The following C9orf72 variants were observed in gnomAD, a reference collection of about 807,000 sequenced individuals.
The protein encoded by C9orf72 is guanine nucleotide exchange factor C9orf72.
A neutral mutation model predicts 51.6 loss-of-function variants in C9orf72; 44 were observed. That is an observed-to-expected ratio of 0.85 (90% confidence interval 0.67 to 1.10). The LOEUF (loss-of-function observed/expected upper bound fraction) is 1.10. C9orf72 is among the 50% of genes least tolerant of loss of function. C9orf72 has a pLI of 0.00. For synonymous variants in C9orf72, 213 were observed against 194.2 expected (o/e 1.10, Z -0.81); for missense variants, 607 against 570.6 (o/e 1.06, Z -0.65).
intron 1 of C9orf72, among the ~76,000 whole-genome samples, chr9:27,571,987 A>G (rs1486260830): frequency 1.3e-5 from 2 of 152,354 alleles, no homozygotes; most frequent in East Asian, 3.9e-4. Flanking sequence ...TTTCTCAGAC[A>G]ATAGGTAGGC....
rs746100459 is a variant in C9orf72 at position 27,548,310 on chromosome 9, C to T, written c.1372G>A (p.Gly458Ser). Residue 458 changes from glycine to serine, a missense_variant, in exon 11 of 11, where the codon GGC (glycine) becomes AGC (serine). By Grantham distance (56) the Gly-to-Ser change is moderately conservative. Transcript: ENST00000380003. ...IMALAEKIKP[G>S]LHSFIFGRPF... ...CTTCCAAAGATAAAAGAGTGTAGGCCTGGTTTAATTTTCTCAGCCAGAGCC... is the reference window on the plus strand; with the variant it reads ...CTTCCAAAGATAAAAGAGTGTAGGCTTGGTTTAATTTTCTCAGCCAGAGCC... The T allele has an allele frequency of 6.2e-7, 1 of 1,612,614 alleles. No homozygotes were observed. Among genetic ancestry groups the T allele is most frequent in the East Asian group, 2.2e-5 (1 of 44,822 alleles).
chr9:27,556,191 G>A (rs1279328744), intron 8 of C9orf72, among the ~76,000 whole-genome samples: 1 of 151,884 alleles, frequency 6.6e-6, no homozygotes, highest in Non-Finnish European at 1.5e-5. Context: ...CTTTGGTTTT[G>A]TTAATAAGTC....
intron 3 of C9orf72, among the ~76,000 whole-genome samples, chr9:27,564,351 G>A (rs1391539367): frequency 6.6e-6 from 1 of 152,022 alleles, no homozygotes. Context: ...AAAGGTTTCT[G>A]GTTTGAAAAA....
chr9:27,554,843 G>C (rs1820977886), intron 8 of C9orf72, among the ~76,000 whole-genome samples: 1 of 152,028 alleles, frequency 6.6e-6, no homozygotes. Flanking sequence ...AGAAAATTTA[G>C]AGCTGGATGC....
At chr9:27,573,584 C>T (rs1210828793), upstream of C9orf72, 3 of 140,178 alleles carry the variant, frequency 2.1e-5, no homozygotes, top group East Asian at 2.1e-4. Flanking sequence ...TTGCTACAGG[C>T]TGCGGTTGTT....
intron 1 of C9orf72, among the ~76,000 whole-genome samples, chr9:27,568,226 T>C (rs576986673): frequency 2.6e-5 from 4 of 152,094 alleles, no homozygotes; most frequent in South Asian, 4.2e-4. Context: ...TAAAACGACA[T>C]TGAAGTATCA....
intron 1 of C9orf72, among the ~76,000 whole-genome samples, chr9:27,570,345 T>C (rs1394315900): frequency 6.6e-6 from 1 of 152,202 alleles, no homozygotes; most frequent in African/African-American, 2.4e-5. Context: ...CATAAAATTA[T>C]ATTGCAAACA....
At chr9:27,548,461 AGAAGC>A in intron 10 of C9orf72, 39 bp from the exon 11 acceptor site, 1 of 1,166,602 alleles carries the variant, frequency 8.6e-7, no homozygotes, top group Non-Finnish European at 1.1e-6. Flanking sequence ...AAAAAAAAAA[AGAAGC>A]GCAAAAATTA....
In C9orf72 at chr9:27,546,767, A is replaced by G. The variant is rs141012074; in HGVS notation, c.*1469T>C. On this transcript the variant is annotated 3_prime_UTR_variant, in exon 11 of 11. Transcript: ENST00000380003. The stretch of plus-strand genomic sequence containing the variant: ...CAAGGTAGTATTTATATATTTTTTA[A>G]ATGACTGAGCTACAGTACAACAGTC... 6.6e-6 allele frequency: 1 copy of G among 152,184 alleles called. No homozygotes were observed. The highest frequency in any genetic ancestry group is 2.4e-5 in the African/African-American group (1 of 41,448). The allele number at this position is 152,184 out of a possible 1,614,324, so 9.4% of individuals were successfully genotyped here. A position where few individuals can be genotyped will look rare whatever the true frequency, so the allele number is the denominator to read the frequency against.
At chr9:27,560,374 G>T in intron 5 of C9orf72, 75 bp from the exon 6 acceptor site, 2 of 1,099,990 alleles carry the variant, frequency 1.8e-6, no homozygotes, top group Non-Finnish European at 2.6e-6. Flanking sequence ...AAAAAAGTAG[G>T]TGAGCTCTTC....
chr9:27,558,711 T>A (rs1358239416), intron 6 of C9orf72, 104 bp from the exon 7 acceptor site: 2 of 617,340 alleles, frequency 3.2e-6, no homozygotes, highest in African/African-American at 3.8e-5. Flanking sequence ...ATAAAACATA[T>A]CCTAAGAAAT....
intron 4 of C9orf72, 117 bp downstream of exon 4, chr9:27,562,264 T>G: frequency 2.5e-6 from 1 of 403,194 alleles, no homozygotes; most frequent in Non-Finnish European, 4.3e-6. Flanking sequence ...ATACTGTATG[T>G]GAATAGTATG....
intron 8 of C9orf72, chr9:27,554,578 T>G (rs757794826): frequency 1.5e-4 from 61 of 398,164 alleles, no homozygotes; most frequent in Non-Finnish European, 2.5e-4. Flanking sequence ...CAAACCCTCA[T>G]GACACGCAAT....
intron 7 of C9orf72, among the ~76,000 whole-genome samples, chr9:27,557,978 T>C (rs900558208): frequency 9.9e-5 from 15 of 151,322 alleles, no homozygotes; most frequent in Admixed American, 4.0e-4. Context: ...TTAAGTATTA[T>C]AAATAATTGC....
At position 27,548,430 on chromosome 9, in the gene C9orf72, TA is replaced by T; in HGVS notation, c.1260-9del. 5.7e-6 allele frequency: 1 copy of T among 176,586 alleles called. No homozygotes were observed. 10.9% of individuals were successfully genotyped at this position (176,586 alleles called of 1,614,324 possible). A position where few individuals can be genotyped will look rare whatever the true frequency, so the allele number is the denominator to read the frequency against. The stretch of plus-strand genomic sequence containing the variant: ...GGCTTTTTTCCCTTCTGCCTAAAAA[TA>T]ATGGAAAAAAAAAAAAAAAAAAAAA... On this transcript the variant is annotated splice_polypyrimidine_tract_variant and intron_variant, in intron 10 of 10. Transcript: ENST00000380003.
At chr9:27,570,511 C>A (rs1449526651) in intron 1 of C9orf72, among the ~76,000 whole-genome samples, 1 of 152,082 alleles carries the variant, frequency 6.6e-6, no homozygotes, top group African/African-American at 2.4e-5. Flanking sequence ...GAAACTTTTA[C>A]CACGTTGTGA....
Position 27,566,903 on chromosome 9 carries a change from C to A in C9orf72, c.218G>T (p.Arg73Leu). The stretch of plus-strand genomic sequence containing the variant: ...ATCTATAGCACCACTCTCTGCATTT[C>A]GAAGGATTTCTCCATTTAGAGTGTG... The part of the protein sequence containing the change: ...ANHTLNGEIL[R>L]NAESGAIDVK... The change falls in exon 2 of 11, where the codon CGA becomes CTA. Residue 73 changes from arginine (R) to leucine (L), a missense_variant. Physicochemically the swap from Arg to Leu is moderately radical, Grantham distance 102. Coordinates refer to ENST00000380003, the MANE Select transcript of C9orf72 (RefSeq NM_018325.5). The A allele has an allele frequency of 6.2e-7, 1 of 1,613,938 alleles. No individual in the cohort carries two copies. Among genetic ancestry groups the A allele is most frequent in the Non-Finnish European group, 8.5e-7 (1 of 1,179,866 alleles).
chr9:27,548,845 GAT>G (rs1246274378), intron 9 of C9orf72, among the ~76,000 whole-genome samples, 179 bp from the exon 10 acceptor site: 3 of 143,652 alleles, frequency 2.1e-5, no homozygotes, highest in African/African-American at 7.6e-5. Flanking sequence ...GGAACAATCT[GAT>G]ATTTTTTTTT....
chr9:27,563,138 T>C (rs189194894), intron 3 of C9orf72, among the ~76,000 whole-genome samples: 35 of 152,216 alleles, frequency 2.3e-4, no homozygotes, highest in African/African-American at 8.4e-4. Flanking sequence ...AAAACTTGAA[T>C]CAATACCTAA....
Sources: gnomAD v4.1 joint callset for allele counts (sites outside exome capture counted in the v4.1 genomes callset) on GRCh38, gnomAD v4.1.1 for gene constraint, MANE v1.5 for transcripts, NCBI Gene and HGNC (gene_info 2026-07-23, HGNC 2026-07-21) for gene names.